RALGAPA1: variants seen among roughly 807,000 people sequenced by gnomAD.
RALGAPA1 encodes Ral GTPase activating protein catalytic subunit alpha 1.
A neutral mutation model predicts 269.6 loss-of-function variants in RALGAPA1; 52 were observed. The observed-to-expected ratio is 0.19, with a 90% CI of 0.15 to 0.24. The LOEUF is 0.24. Ranked by LOEUF, RALGAPA1 falls within the 10% of genes least tolerant of loss-of-function variation. The pLI is 1.00. For synonymous variants in RALGAPA1, 817 were observed against 1,008.3 expected (o/e 0.81, Z 3.60); for missense variants, 1,917 against 3,013.9 (o/e 0.64, Z 8.52).
rs970876498 is a variant in RALGAPA1 at position 35,566,911 on chromosome 14, CTA to C, written c.7496+3704_7496+3705del. On this transcript the variant is annotated intron_variant, in intron 39 of 41. Transcript: ENST00000680220. ...TGTACTATATATATATATATTTGTACTATATATATATGCATATGTATGTATGT... is the reference window on the plus strand; with the variant it reads ...TGTACTATATATATATATATTTGTACTATATATATGCATATGTATGTATGT... Among the ~76,000 whole-genome samples the C allele has an allele frequency of 3.4e-5, 5 of 146,858 alleles. No individual in the cohort carries two copies. In the East Asian group the frequency reaches 7.9e-4, roughly 23 times the overall value.
chr14:35,671,265 A>G (rs1438442457), intron 26 of RALGAPA1, 124 bp downstream of exon 26: 23 of 699,390 alleles, frequency 3.3e-5, no homozygotes, highest in Admixed American at 3.1e-5. Context: ...TTAATGTAGG[A>G]GAAGCAATCA....
chr14:35,701,586 T>C (rs978793372), intron 16 of RALGAPA1, among the ~76,000 whole-genome samples: 7 of 152,204 alleles, frequency 4.6e-5, no homozygotes, highest in African/African-American at 1.7e-4. Context: ...TTGGTCTCTT[T>C]TTCTTCCTGA....
chr14:35,623,181 A>G lies in RALGAPA1; in HGVS notation c.6929+2180T>C, dbSNP rs546723332. On this transcript the variant is annotated intron_variant, in intron 35 of 41. Transcript: ENST00000680220. ...CTGTTTAAGCACAACAAATAATTCA[A>G]GAAATCCAAAGAAAAAAATTGAGAG... is the stretch of plus-strand genomic sequence containing the variant. Among the ~76,000 whole-genome samples the G allele has an allele frequency of 2.6e-5, 4 of 152,286 alleles. No individual in the cohort carries two copies. In the South Asian group the frequency reaches 8.3e-4, roughly 32 times the overall value.
intron 17 of RALGAPA1, among the ~76,000 whole-genome samples, chr14:35,694,401 G>A (rs894250366): frequency 4.6e-5 from 7 of 152,124 alleles, no homozygotes; most frequent in African/African-American, 7.2e-5. Flanking sequence ...GGGCAACAAC[G>A]GCAATGTACT....
At chr14:35,652,004 C>A (rs1473700595) in intron 30 of RALGAPA1, 131 bp from the exon 31 acceptor site, 18 of 561,350 alleles carry the variant, frequency 3.2e-5, no homozygotes, top group Non-Finnish European at 3.8e-5. Flanking sequence ...CACATTAACA[C>A]TGTTATTTCA....
chr14:35,609,441 A>G (rs770904096), intron 35 of RALGAPA1, among the ~76,000 whole-genome samples: 10 of 152,208 alleles, frequency 6.6e-5, no homozygotes, highest in Non-Finnish European at 1.3e-4. Context: ...GAAAATACTT[A>G]GAGATGAATG....
At chr14:35,647,652 T>A (rs533351164) in intron 31 of RALGAPA1, among the ~76,000 whole-genome samples, 1 of 152,222 alleles carries the variant, frequency 6.6e-6, no homozygotes, top group East Asian at 1.9e-4. Flanking sequence ...GAGGAATGTA[T>A]AATTATAAAG....
intron 37 of RALGAPA1, among the ~76,000 whole-genome samples, chr14:35,581,095 G>GA (rs1264662982): frequency 1.3e-5 from 2 of 152,028 alleles, no homozygotes; most frequent in African/African-American, 4.8e-5. Context: ...AAATTCAGGA[G>GA]AAAAAATACC....
At chr14:35,590,907 T>C (rs752252096) in intron 37 of RALGAPA1, among the ~76,000 whole-genome samples, 4 of 152,204 alleles carry the variant, frequency 2.6e-5, no homozygotes, top group Non-Finnish European at 4.4e-5. Flanking sequence ...GTAATAGTTT[T>C]GGATAAACTG....
At chr14:35,715,964 G>A (rs545313394) in intron 16 of RALGAPA1, 61 of 985,322 alleles carry the variant, frequency 6.2e-5, no homozygotes, top group African/African-American at 5.8e-4. Context: ...GTGGTACGAC[G>A]AAATGCTAGC....
chr14:35,559,745 C>T (rs1181202669), intron 39 of RALGAPA1, among the ~76,000 whole-genome samples: 1 of 152,078 alleles, frequency 6.6e-6, no homozygotes, highest in African/African-American at 2.4e-5. Flanking sequence ...TCGTTGTTGC[C>T]ATGAAGTCAA....
At position 35,809,217 on chromosome 14, in the gene RALGAPA1, C is replaced by T; in HGVS notation, c.-382G>A. The T allele has an allele frequency of 4.4e-6, 1 of 227,372 alleles. No individual in the cohort carries two copies. Among genetic ancestry groups the T allele is most frequent in the South Asian group, 7.0e-5 (1 of 14,226 alleles). 14.1% of individuals were successfully genotyped at this position (227,372 alleles called of 1,614,324 possible). ...GGAGCTCTCGGCGGCAGGAGCACAA[C>T]TCTCTCCCTGAGGCCCCCTTAAGGT... On this transcript the variant is annotated 5_prime_UTR_variant, in exon 1 of 42. Coordinates refer to ENST00000680220, the MANE Select transcript of RALGAPA1 (RefSeq NM_001346249.2).
chr14:35,584,179 C>T (rs746585239), intron 37 of RALGAPA1, among the ~76,000 whole-genome samples: 2 of 151,604 alleles, frequency 1.3e-5, no homozygotes, highest in African/African-American at 2.4e-5. Context: ...CTAAAACAAG[C>T]GAAATGAATG....
At chr14:35,764,013 T>G (rs1230230889) in intron 4 of RALGAPA1, among the ~76,000 whole-genome samples, 2 of 152,150 alleles carry the variant, frequency 1.3e-5, no homozygotes, top group African/African-American at 4.8e-5. Flanking sequence ...TATTTCCTAG[T>G]GACACTGAAC....
chr14:35,595,312 A>G (rs963271544), intron 37 of RALGAPA1, among the ~76,000 whole-genome samples: 1 of 152,068 alleles, frequency 6.6e-6, no homozygotes, highest in African/African-American at 2.4e-5. Context: ...AAACTAGATG[A>G]GATGATAGAT....
intron 21 of RALGAPA1, among the ~76,000 whole-genome samples, chr14:35,678,956 A>G (rs924679737): frequency 1.1e-4 from 16 of 152,086 alleles, no homozygotes; most frequent in African/African-American, 3.1e-4. Context: ...CCTCTCTATT[A>G]TACCACTTAT....
intron 1 of RALGAPA1, among the ~76,000 whole-genome samples, chr14:35,780,268 C>G (rs1043432159): frequency 6.6e-6 from 1 of 152,110 alleles, no homozygotes; most frequent in African/African-American, 2.4e-5. Flanking sequence ...AATATACACA[C>G]AATTCAACAA....
intron 20 of RALGAPA1, among the ~76,000 whole-genome samples, 177 bp from the exon 21 acceptor site, chr14:35,684,162 T>C (rs557133859): frequency 6.6e-6 from 1 of 152,200 alleles, no homozygotes; most frequent in Admixed American, 6.5e-5. Context: ...TAGATCGGGA[T>C]AGTGTACAAG....
At chr14:35,726,825 A>T (rs1364714766) in intron 13 of RALGAPA1, among the ~76,000 whole-genome samples, 1 of 152,222 alleles carries the variant, frequency 6.6e-6, no homozygotes, top group African/African-American at 2.4e-5. Context: ...GTTATTGGCT[A>T]ATAATAACTT....
Sources: allele counts gnomAD v4.1 joint callset (sites outside exome capture counted in the v4.1 genomes callset), GRCh38; gene constraint gnomAD v4.1.1; transcripts MANE v1.5; gene names NCBI Gene and HGNC (gene_info 2026-07-23, HGNC 2026-07-21).